SLC44A5: variants seen among roughly 807,000 people sequenced by gnomAD.
SLC44A5 encodes the protein solute carrier family 44 member 5.
SLC44A5 carries 57 observed loss-of-function variants against 101.8 expected under a neutral mutation model. The observed-to-expected ratio is 0.56, with a 90% CI of 0.45 to 0.70. The LOEUF (loss-of-function observed/expected upper bound fraction) is 0.70, where lower values mean the gene tolerates loss of function less well. Among genes scored for constraint, SLC44A5 ranks in the 30% least tolerant of loss-of-function variants. The probability of loss-of-function intolerance (pLI) is 0.00; values close to 1 mark genes in which losing one functional copy is unlikely to be tolerated. For missense variants in SLC44A5, 737 were observed against 853.1 expected (o/e 0.86, Z 1.70); for synonymous variants, 281 against 290.9 (o/e 0.97, Z 0.35).
At chr1:75,472,245 C>T (rs1667153632) in intron 2 of SLC44A5, among the ~76,000 whole-genome samples, 2 of 151,918 alleles carry the variant, frequency 1.3e-5, no homozygotes, top group African/African-American at 2.4e-5. Flanking sequence ...GGAAAGTGTG[C>T]CGAGCACCTG....
Position 75,574,157 on chromosome 1 carries a change from A to G in SLC44A5, c.-69-32641T>C, listed in dbSNP as rs373376463. On this transcript the variant is annotated intron_variant, in intron 1 of 23. Transcript: ENST00000370859. ...AATTGTGGAACTAGAGGACAAAAAT[A>G]TAATGTTCCCCCTGTGGCTTATCCT... Among the ~76,000 whole-genome samples the G allele has an allele frequency of 1.4e-4, 21 of 152,350 alleles. No individual in the cohort carries two copies. In the East Asian group the frequency reaches 1.5e-3, roughly 11 times the overall value.
At chr1:75,360,513 T>G (rs566689907) in intron 3 of SLC44A5, among the ~76,000 whole-genome samples, 27 of 152,240 alleles carry the variant, frequency 1.8e-4, no homozygotes, top group African/African-American at 6.5e-4. Flanking sequence ...TCAATTTAAT[T>G]CTTCTACATT....
upstream of SLC44A5, among the ~76,000 whole-genome samples, chr1:75,611,353 A>G (rs556243398): frequency 4.3e-4 from 65 of 152,228 alleles, no homozygotes; most frequent in South Asian, 5.0e-3. Context: ...ATTACCTTTA[A>G]AATAATCTAC....
intron 1 of SLC44A5, among the ~76,000 whole-genome samples, chr1:75,577,583 C>T (rs1673444273): frequency 1.3e-5 from 2 of 152,170 alleles, no homozygotes; most frequent in Non-Finnish European, 2.9e-5. Flanking sequence ...AATGAAAGAC[C>T]ACCACATTCA....
the SLC44A5 span, among the ~76,000 whole-genome samples, chr1:75,620,592 A>G: frequency 2.0e-5 from 3 of 152,068 alleles, no homozygotes; most frequent in Non-Finnish European, 4.4e-5. Flanking sequence ...GATGATGAGC[A>G]TTTTTTCATA....
chr1:75,310,491 C>T (rs1182215826), intron 4 of SLC44A5, among the ~76,000 whole-genome samples: 1 of 152,214 alleles, frequency 6.6e-6, no homozygotes, highest in African/African-American at 2.4e-5. Context: ...ATGACCATCC[C>T]TACCTGGAAG....
At chr1:75,721,479 T>C in the SLC44A5 span, among the ~76,000 whole-genome samples, 2 of 152,248 alleles carry the variant, frequency 1.3e-5, no homozygotes, top group Non-Finnish European at 2.9e-5. Flanking sequence ...AAGACAATTC[T>C]TTTTCTTCCA....
chr1:75,497,224 G>A (rs1416282952), intron 2 of SLC44A5, among the ~76,000 whole-genome samples: 1 of 152,006 alleles, frequency 6.6e-6, no homozygotes, highest in African/African-American at 2.4e-5. Flanking sequence ...TCCAAAATAT[G>A]GGAACAACCT....
the SLC44A5 span, among the ~76,000 whole-genome samples, chr1:75,673,666 G>A: frequency 1.3e-5 from 2 of 152,110 alleles, no homozygotes; most frequent in Non-Finnish European, 1.5e-5. Flanking sequence ...CAGTGCTGGC[G>A]ACCACAAGAG....
At chr1:75,465,790 C>A (rs978019377) in intron 2 of SLC44A5, among the ~76,000 whole-genome samples, 2 of 151,998 alleles carry the variant, frequency 1.3e-5, no homozygotes, top group East Asian at 3.8e-4. Flanking sequence ...AAGAAATGGA[C>A]AAACTCCTAG....
At chr1:75,414,880 C>A (rs983331) in intron 2 of SLC44A5, among the ~76,000 whole-genome samples, 4 of 151,986 alleles carry the variant, frequency 2.6e-5, no homozygotes, top group African/African-American at 7.3e-5. Context: ...TTATGTGGGG[C>A]CTTGTAGGCT....
At chr1:75,691,343 T>C in the SLC44A5 span, among the ~76,000 whole-genome samples, 10 of 152,162 alleles carry the variant, frequency 6.6e-5, no homozygotes, top group African/African-American at 1.9e-4. Flanking sequence ...GGGTCAAGGC[T>C]GGTAATATAA....
intron 2 of SLC44A5, among the ~76,000 whole-genome samples, chr1:75,430,267 C>G (rs542957010): frequency 1.3e-5 from 2 of 152,078 alleles, no homozygotes; most frequent in Non-Finnish European, 2.9e-5. Flanking sequence ...GCATTCCTCC[C>G]CTCTGGAAGA....
At chr1:75,581,559 T>TAATGTATATGGA (rs1553209666) in intron 1 of SLC44A5, among the ~76,000 whole-genome samples, 1 of 152,212 alleles carries the variant, frequency 6.6e-6, no homozygotes, top group African/African-American at 2.4e-5. Context: ...TTCATAAAAA[T>TAATGTATATGGA]AATGTATATG....
At chr1:75,616,159 C>A in the SLC44A5 span, among the ~76,000 whole-genome samples, 5,997 of 151,544 alleles carry the variant, frequency 0.04, 173 homozygotes, top group Non-Finnish European at 0.062. Context: ...GGCTGCTGTG[C>A]TGCTCCTGCT....
At chr1:75,690,831 T>C in the SLC44A5 span, among the ~76,000 whole-genome samples, 1 of 152,176 alleles carries the variant, frequency 6.6e-6, no homozygotes, top group Non-Finnish European at 1.5e-5. Context: ...CACCCATTGG[T>C]TAAAGAAAGC....
chr1:75,555,632 C>G (rs191263417), intron 1 of SLC44A5, among the ~76,000 whole-genome samples: 203 of 57,150 alleles, frequency 3.6e-3, no homozygotes, highest in Admixed American at 6.3e-3. Flanking sequence ...AAATAAGACA[C>G]AATTCCAATT....
the SLC44A5 span, among the ~76,000 whole-genome samples, chr1:75,689,963 T>C: frequency 6.6e-6 from 1 of 152,108 alleles, no homozygotes. Flanking sequence ...TGAATCACCC[T>C]TGGGACCCTT....
the SLC44A5 span, among the ~76,000 whole-genome samples, chr1:75,709,319 G>T: frequency 3.9e-5 from 6 of 152,126 alleles, no homozygotes; most frequent in Admixed American, 3.9e-4. Flanking sequence ...TTTTTGAAAA[G>T]CATATAAGTA....
Sources: gnomAD v4.1 joint callset for allele counts (sites outside exome capture counted in the v4.1 genomes callset) on GRCh38, gnomAD v4.1.1 for gene constraint, MANE v1.5 for transcripts, NCBI Gene and HGNC (gene_info 2026-07-23, HGNC 2026-07-21) for gene names.